Variants in RDX observed in about 807,000 individuals in gnomAD.
RDX encodes radixin, also known as deafness, autosomal recessive 24.
Under a neutral mutation model 83.7 loss-of-function variants are expected in RDX, and 32 were observed. The ratio of observed to expected loss-of-function variants is 0.38; its 90% CI spans 0.29 to 0.51. The LOEUF (loss-of-function observed/expected upper bound fraction) is 0.51, where lower values mean the gene tolerates loss of function less well. RDX is among the 20% of genes least tolerant of loss of function. RDX has a pLI of 0.87. For missense variants in RDX, 600 were observed against 689.9 expected (o/e 0.87, Z 1.46); for synonymous variants, 229 against 222.7 (o/e 1.03, Z -0.25).
At chr11:110,276,559 T>C (rs950650580) in intron 2 of RDX, among the ~76,000 whole-genome samples, 1 of 152,198 alleles carries the variant, frequency 6.6e-6, no homozygotes, top group African/African-American at 2.4e-5. Flanking sequence ...ACGAAATTAT[T>C]TGGTATCTTT....
chr11:110,290,483 G>A (rs1861191805), intron 1 of RDX, among the ~76,000 whole-genome samples: 1 of 150,970 alleles, frequency 6.6e-6, no homozygotes, highest in African/African-American at 2.4e-5. Flanking sequence ...CCGCACTCTG[G>A]CCTGGGCAAC....
At chr11:110,292,776 G>T (rs955708288) in intron 1 of RDX, among the ~76,000 whole-genome samples, 1 of 152,066 alleles carries the variant, frequency 6.6e-6, no homozygotes, top group East Asian at 1.9e-4. Context: ...AATAAACAAT[G>T]AAGTACCTGT....
chr11:110,204,132 T>C (rs909140259), intron 14 of RDX, among the ~76,000 whole-genome samples: 9 of 152,088 alleles, frequency 5.9e-5, no homozygotes, highest in African/African-American at 2.2e-4. Context: ...ATAAAAGTTT[T>C]ATGGATGGAG....
At chr11:110,193,195 A>C (rs1332547246) in intron 15 of RDX, among the ~76,000 whole-genome samples, 1 of 152,240 alleles carries the variant, frequency 6.6e-6, no homozygotes, top group Admixed American at 6.5e-5. Flanking sequence ...CATAAAAAAG[A>C]ATGAGATCAT....
rs531865109 is a variant in RDX, at chr11:110,287,593, A to G, written c.-64-7837T>C. On this transcript the variant is annotated intron_variant, in intron 1 of 13. Coordinates refer to ENST00000645495, the MANE Select transcript of RDX (RefSeq NM_002906.4). ...ACTTTTACCTAAATAATGACATGTCATCCCGTCATCCCAAAGTGAAGCAAA... is the reference window on the plus strand; with the variant it reads ...ACTTTTACCTAAATAATGACATGTCGTCCCGTCATCCCAAAGTGAAGCAAA... Among the ~76,000 whole-genome samples, 194 of 152,324 alleles carry G rather than the reference A, an allele frequency of 1.3e-3. 1 individual carries two copies. The highest frequency in any genetic ancestry group is 4.5e-3 in the African/African-American group (189 of 41,560).
chr11:110,276,680 T>G (rs1248928785), intron 2 of RDX, among the ~76,000 whole-genome samples: 2 of 152,232 alleles, frequency 1.3e-5, no homozygotes, highest in Admixed American at 1.3e-4. Flanking sequence ...TTGAAAGAAG[T>G]GCTTATAATT....
chr11:110,246,015 A>T (rs1445628675), intron 10 of RDX, among the ~76,000 whole-genome samples: 1 of 152,140 alleles, frequency 6.6e-6, no homozygotes, highest in Non-Finnish European at 1.5e-5. Flanking sequence ...CCCACCTCTC[A>T]GCCTCCTGAG....
chr11:110,246,103 C>T (rs1475258723), intron 10 of RDX, among the ~76,000 whole-genome samples: 1 of 152,080 alleles, frequency 6.6e-6, no homozygotes, highest in African/African-American at 2.4e-5. Flanking sequence ...ACTATGTTGC[C>T]CAGACTAGCC....
At chr11:110,287,001 T>C (rs1351834191) in intron 1 of RDX, 1 of 152,202 alleles carries the variant, frequency 6.6e-6, no homozygotes. Context: ...AACACAAACC[T>C]TGAGTAATAT....
chr11:110,178,162 A>C (rs1862814165), intron 15 of RDX, among the ~76,000 whole-genome samples: 1 of 152,106 alleles, frequency 6.6e-6, no homozygotes, highest in Non-Finnish European at 1.5e-5. Flanking sequence ...TCTCTGCTTC[A>C]CCAGCAAAGA....
At chr11:110,185,286 T>C (rs1459175977) in intron 15 of RDX, 1 of 152,204 alleles carries the variant, frequency 6.6e-6, no homozygotes, top group Non-Finnish European at 1.5e-5. Flanking sequence ...GGATATTGAT[T>C]TGTAAGAATT....
chr11:110,222,063 CCTT>C (rs1281168159), intron 14 of RDX, among the ~76,000 whole-genome samples: 2 of 152,144 alleles, frequency 1.3e-5, no homozygotes, highest in Non-Finnish European at 2.9e-5. Context: ...AAACATCATG[CCTT>C]CTTTTCTCCT....
At chr11:110,276,627 C>G (rs765356218) in intron 2 of RDX, among the ~76,000 whole-genome samples, 4 of 152,156 alleles carry the variant, frequency 2.6e-5, no homozygotes, top group Non-Finnish European at 5.9e-5. Flanking sequence ...GGTTTTCTCA[C>G]TGTACATTGA....
chr11:110,248,824 A>T (rs1370737756), intron 9 of RDX, among the ~76,000 whole-genome samples: 1 of 152,270 alleles, frequency 6.6e-6, no homozygotes, highest in African/African-American at 2.4e-5. Flanking sequence ...ATCATTAAAA[A>T]TGAATTAATC....
chr11:110,261,973 A>G (rs1185933704), intron 5 of RDX, among the ~76,000 whole-genome samples: 7 of 152,194 alleles, frequency 4.6e-5, no homozygotes, highest in Non-Finnish European at 7.3e-5. Context: ...CTTAACACTG[A>G]AAGATCAATG....
chr11:110,248,913 C>G (rs1021335941), intron 9 of RDX, among the ~76,000 whole-genome samples: 4 of 152,150 alleles, frequency 2.6e-5, no homozygotes, highest in African/African-American at 9.7e-5. Context: ...TTCACAATTC[C>G]ATTAGAATGA....
intron 5 of RDX, among the ~76,000 whole-genome samples, chr11:110,262,091 C>T (rs1555043443): frequency 6.6e-6 from 1 of 151,962 alleles, no homozygotes; most frequent in Non-Finnish European, 1.5e-5. Flanking sequence ...TGAAATTCCA[C>T]CATAATAGTC....
At position 110,258,199 on chromosome 11, in the gene RDX, C is replaced by CA; in HGVS notation, c.468-11_468-10insT. The stretch of plus-strand genomic sequence containing the variant: ...GTGTTGTTCCAATACACTAAGAGGA[C>CA]CAAAAAAAAAAAAAAATTATAATGA... On this transcript the variant is annotated splice_polypyrimidine_tract_variant and intron_variant, in intron 5 of 13. Coordinates refer to ENST00000645495, the MANE Select transcript of RDX (RefSeq NM_002906.4). 7.5e-6 allele frequency: 11 copies of CA among 1,466,808 alleles called. No individual in the cohort carries two copies. The highest frequency in any genetic ancestry group is 1.5e-5 in the African/African-American group (1 of 68,528). The allele number at this position is 1,466,808 out of a possible 1,614,324, so 90.9% of individuals were successfully genotyped here. A position where few individuals can be genotyped will look rare whatever the true frequency, so the allele number is the denominator to read the frequency against.
At chr11:110,235,327 A>G (rs2134306838) in intron 12 of RDX, among the ~76,000 whole-genome samples, 1 of 152,306 alleles carries the variant, frequency 6.6e-6, no homozygotes, top group East Asian at 1.9e-4. Flanking sequence ...GACACAGAGT[A>G]AGACCATGTC....
Sources: gnomAD v4.1 joint callset for allele counts (sites outside exome capture counted in the v4.1 genomes callset) on GRCh38, gnomAD v4.1.1 for gene constraint, MANE v1.5 for transcripts, NCBI Gene and HGNC (gene_info 2026-07-23, HGNC 2026-07-21) for gene names.